LRRK1: variants seen among roughly 807,000 people sequenced by gnomAD.
LRRK1 encodes the protein leucine-rich repeat serine/threonine-protein kinase 1.
A neutral mutation model predicts 209.1 loss-of-function variants in LRRK1; 113 were observed. The observed-to-expected ratio is 0.54, with a 90% CI of 0.46 to 0.63. The LOEUF is 0.63. Among genes scored for constraint, LRRK1 ranks in the 30% least tolerant of loss-of-function variants. The probability of loss-of-function intolerance (pLI) is 0.00; values close to 1 mark genes in which losing one functional copy is unlikely to be tolerated. For missense variants in LRRK1, 2,284 were observed against 2,632.2 expected (o/e 0.87, Z 2.89); for synonymous variants, 1,144 against 1,099.7 (o/e 1.04, Z -0.80).
intron 2 of LRRK1, among the ~76,000 whole-genome samples, chr15:100,963,382 C>T (rs1173459288): frequency 6.6e-6 from 1 of 152,226 alleles, no homozygotes; most frequent in Non-Finnish European, 1.5e-5. Flanking sequence ...TCCGGCTGCT[C>T]GTTGCCAGCG....
chr15:100,972,917 T>TACACACACACACAC (rs10629976), intron 2 of LRRK1, among the ~76,000 whole-genome samples: 58 of 123,938 alleles, frequency 4.7e-4, no homozygotes, highest in African/African-American at 1.2e-3. Flanking sequence ...CGAAAAACTG[T>TACACACACACACAC]ACACACACAC....
chr15:100,919,367 G>A lies in LRRK1; in HGVS notation c.-207G>A, dbSNP rs564195165. 6.6e-6 allele frequency: 1 copy of A among 150,970 alleles called. No individual in the cohort carries two copies. The highest frequency in any genetic ancestry group is 1.5e-5 in the Non-Finnish European group (1 of 67,272). The allele number at this position is 150,970 out of a possible 1,614,324, so 9.4% of individuals were successfully genotyped here. On this transcript the variant is annotated 5_prime_UTR_variant, in exon 1 of 34. Transcript: ENST00000388948. This position sits in a 1 kb window ranked among gnomAD's most constrained non-coding sequence, Gnocchi z 5.8. ...CCCGGCGCGGGGGGCAGACGGCGGTGGGACGGCCAGGCCCCGGCCCCGCCA... is the reference window on the plus strand; with the variant it reads ...CCCGGCGCGGGGGGCAGACGGCGGTAGGACGGCCAGGCCCCGGCCCCGCCA...
intron 2 of LRRK1, among the ~76,000 whole-genome samples, chr15:100,939,008 G>A (rs868022808): frequency 2.0e-5 from 3 of 152,192 alleles, no homozygotes; most frequent in Non-Finnish European, 2.9e-5. Flanking sequence ...CAGGAGAATC[G>A]CTTGAACCCA....
chr15:101,016,769 T>C (rs1182023331), intron 12 of LRRK1, among the ~76,000 whole-genome samples: 2 of 152,192 alleles, frequency 1.3e-5, no homozygotes, highest in Admixed American at 6.5e-5. Context: ...CTGTTAAGTC[T>C]CTACTGCCAC....
chr15:101,020,909 G>C, intron 12 of LRRK1, 144 bp from the exon 13 acceptor site: 1 of 779,490 alleles, frequency 1.3e-6, no homozygotes, highest in South Asian at 1.7e-5. Context: ...AGAATTGCTA[G>C]GTCGATGAGG....
At position 101,075,232 on chromosome 15, in the gene LRRK1, TG is replaced by T. The variant is rs2036941014; in HGVS notation, c.*6385del. On this transcript the variant is annotated 3_prime_UTR_variant, in exon 34 of 34. Transcript: ENST00000388948. The stretch of plus-strand genomic sequence containing the variant: ...ACCTCTTAAAACTCCCCAACTCTGG[TG>T]CCAACTTAGACAATACTCTTTTAAG... 1 of 31,234 alleles carries T rather than the reference TG, an allele frequency of 3.2e-5. No individual in the cohort carries two copies. The highest frequency in any genetic ancestry group is 1.8e-4 in the African/African-American group (1 of 5,462). The allele number at this position is 31,234 out of a possible 1,614,324, so 1.9% of individuals were successfully genotyped here. A position where few individuals can be genotyped will look rare whatever the true frequency, so the allele number is the denominator to read the frequency against.
rs2035574982 is a variant in LRRK1, at chr15:101,053,169, T to G, written c.3857-54T>G. The G allele has an allele frequency of 1.3e-5, 20 of 1,591,898 alleles. 1 individual carries two copies. In the South Asian group the frequency reaches 1.9e-4, roughly 15 times the overall value. The stretch of plus-strand genomic sequence containing the variant: ...AGCTCTGTGCGGCCTTAGAGAGGCC[T>G]GAGGCTGCAGGCACCCCATGTCCTA... On this transcript the variant is annotated intron_variant, in intron 25 of 33. Coordinates refer to ENST00000388948, the MANE Select transcript of LRRK1 (RefSeq NM_024652.6).
At chr15:101,056,730 C>T in intron 27 of LRRK1, 126 bp from the exon 28 acceptor site, 1 of 659,694 alleles carries the variant, frequency 1.5e-6, no homozygotes. Context: ...GGGACATGGT[C>T]AGGTGGTTTG....
At position 100,973,929 on chromosome 15, in the gene LRRK1, G is replaced by A; in HGVS notation, c.223G>A (p.Glu75Lys). ...GDRGGARDLL[E>K]EACDQCASQL... The stretch of plus-strand genomic sequence containing the variant: ...CCGCGGCGGCGCCCGGGACCTGCTG[G>A]AGGAGGCCTGCGACCAGTGCGCGTC... Residue 75 changes from glutamate (E) to lysine (K), a missense_variant, in exon 3 of 34, where the codon GAG becomes AAG. Around this residue, in one of 6 missense-constraint regions of LRRK1, gnomAD observed 174 missense variants for 133.5 expected, o/e 1.30. Coordinates refer to ENST00000388948, the MANE Select transcript of LRRK1 (RefSeq NM_024652.6). The A allele has an allele frequency of 7.9e-7, 1 of 1,263,066 alleles. No homozygotes were observed. Among genetic ancestry groups the A allele is most frequent in the East Asian group, 3.1e-5 (1 of 31,758 alleles). The allele number at this position is 1,263,066 out of a possible 1,614,324, so 78.2% of individuals were successfully genotyped here. A position where few individuals can be genotyped will look rare whatever the true frequency, so the allele number is the denominator to read the frequency against.
chr15:101,013,556 G>A (rs555555249), intron 10 of LRRK1, among the ~76,000 whole-genome samples: 18 of 152,156 alleles, frequency 1.2e-4, no homozygotes, highest in Non-Finnish European at 1.5e-4. Context: ...TGAGGCTGTA[G>A]CAAGCTATGA....
At chr15:101,067,254 C>T (rs761489849) in intron 33 of LRRK1, 1 of 456,178 alleles carries the variant, frequency 2.2e-6, no homozygotes, top group African/African-American at 2.0e-5. Context: ...ATGCCAGTCT[C>T]CTCTGTGAAG....
At chr15:101,067,233 C>T (rs966343686) in intron 33 of LRRK1, 1 of 456,110 alleles carries the variant, frequency 2.2e-6, no homozygotes, top group South Asian at 1.5e-5. Flanking sequence ...TGGGTGGGGA[C>T]CCCCAGGATT....
At chr15:100,922,959 A>T (rs2042045821) in intron 1 of LRRK1, among the ~76,000 whole-genome samples, 1 of 152,214 alleles carries the variant, frequency 6.6e-6, no homozygotes, top group South Asian at 2.1e-4. Context: ...TTTAGGTGAG[A>T]AATTCCCACA....
At chr15:100,942,764 T>C (rs1372350325) in intron 2 of LRRK1, among the ~76,000 whole-genome samples, 1 of 152,148 alleles carries the variant, frequency 6.6e-6, no homozygotes, top group Non-Finnish European at 1.5e-5. Context: ...AGTTCGACAA[T>C]TCACGGAGTA....
chr15:100,941,480 G>GTCTATGTCTC (rs2042435473), intron 2 of LRRK1, among the ~76,000 whole-genome samples: 1 of 81,090 alleles, frequency 1.2e-5, no homozygotes, highest in Non-Finnish European at 2.8e-5. Flanking sequence ...GTGTGTGTGT[G>GTCTATGTCTC]TGTGTGTGTG....
At chr15:101,066,421 TA>T (rs1198835515) in intron 32 of LRRK1, among the ~76,000 whole-genome samples, 1 of 152,220 alleles carries the variant, frequency 6.6e-6, no homozygotes, top group African/African-American at 2.4e-5. Flanking sequence ...CCAGAGAGCT[TA>T]AGGTGCCACA....
At chr15:101,035,607 A>T (rs1320190378) in intron 20 of LRRK1, among the ~76,000 whole-genome samples, 2 of 152,108 alleles carry the variant, frequency 1.3e-5, no homozygotes, top group Non-Finnish European at 2.9e-5. Context: ...CCATTCAGCC[A>T]GTGTACACCT....
chr15:101,053,242 G>GC lies in LRRK1; in HGVS notation c.3877dup (p.Arg1293ProfsTer94), dbSNP rs1388317483. 4 of 1,606,144 alleles carry GC rather than the reference G, an allele frequency of 2.5e-6. No homozygotes were observed. On this transcript the variant is annotated frameshift_variant, in exon 26 of 34. Transcript: ENST00000388948. LOFTEE classifies it high-confidence loss of function. ...TGGCAGACACCATGCTGAGGCACCT[G>GC]CGGGCCACCGATGCCATGAAGAACT...
chr15:101,035,625 G>A (rs2034466608), intron 20 of LRRK1, among the ~76,000 whole-genome samples: 1 of 152,002 alleles, frequency 6.6e-6, no homozygotes, highest in Admixed American at 6.6e-5. Context: ...CCTTTTAAGT[G>A]GAGAATTTAA....
Sources: gnomAD v4.1 joint callset for allele counts (sites outside exome capture counted in the v4.1 genomes callset) on GRCh38, gnomAD v4.1.1 for gene constraint, gnomAD v4.1.1 regional missense constraint, Gnocchi (gnomAD v3.1) non-coding constraint, MANE v1.5 for transcripts, NCBI Gene and HGNC (gene_info 2026-07-23, HGNC 2026-07-21) for gene names.